The following GALNT11 variants were observed in gnomAD, a reference collection of about 807,000 sequenced individuals.
GALNT11 encodes polypeptide N-acetylgalactosaminyltransferase 11.
A neutral mutation model predicts 72.7 loss-of-function variants in GALNT11; 47 were observed. The observed-to-expected ratio is 0.65, with a 90% CI of 0.51 to 0.82. The LOEUF (loss-of-function observed/expected upper bound fraction) is 0.82. Among genes scored for constraint, GALNT11 ranks in the 40% least tolerant of loss-of-function variants. The pLI is 0.00. For synonymous variants in GALNT11, 270 were observed against 286.6 expected, an observed-to-expected ratio of 0.94 and a Z score of 0.58; for missense variants, 677 against 778.4, an observed-to-expected ratio of 0.87 and a Z score of 1.55.
chr7:152,090,701 A>G (rs2129033960), intron 1 of GALNT11, among the ~76,000 whole-genome samples: 1 of 129,692 alleles, frequency 7.7e-6, no homozygotes, highest in Middle Eastern at 6.0e-3. Context: ...TGCAGTACTC[A>G]CTATTCAGTT....
rs2086343457 is a variant in GALNT11 at position 152,095,958 on chromosome 7, G to T, written c.295+1436G>T. ...CTAGATCAACAGGCAAAAACCAGTT[G>T]CATTTTTATACTGTAGCAACAAGTG... On this transcript the variant is annotated intron_variant, in intron 2 of 11. Transcript: ENST00000430044. Among the ~76,000 whole-genome samples the T allele has an allele frequency of 1.3e-5, 2 of 152,096 alleles. 1 individual carries two copies. The highest frequency in any genetic ancestry group is 4.1e-4 in the South Asian group (2 of 4,836).
intron 1 of GALNT11, among the ~76,000 whole-genome samples, chr7:152,035,011 A>G (rs888829176): frequency 6.6e-6 from 1 of 152,214 alleles, no homozygotes; most frequent in African/African-American, 2.4e-5. Flanking sequence ...TGCCCCAAAA[A>G]TGAAGTGGAG....
intron 8 of GALNT11, among the ~76,000 whole-genome samples, chr7:152,114,264 T>C (rs1316327023): frequency 6.6e-6 from 1 of 152,230 alleles, no homozygotes; most frequent in Non-Finnish European, 1.5e-5. Context: ...TCCATAGCCT[T>C]CGATCATCTC....
At chr7:152,038,741 A>G (rs183789466) in intron 1 of GALNT11, among the ~76,000 whole-genome samples, 7 of 152,364 alleles carry the variant, frequency 4.6e-5, no homozygotes, top group Admixed American at 1.3e-4. Flanking sequence ...AAGGACGATC[A>G]TTGTTGAAAT....
chr7:152,065,685 T>C (rs1021119808), intron 1 of GALNT11, among the ~76,000 whole-genome samples: 2 of 152,220 alleles, frequency 1.3e-5, no homozygotes, highest in African/African-American at 4.8e-5. Flanking sequence ...TGCAGGTCTG[T>C]TGGAGTTTGC....
rs114698173 is a variant in GALNT11, at chr7:152,049,914, G to C, written c.-39+24030G>C. On this transcript the variant is annotated intron_variant, in intron 1 of 11. Transcript: ENST00000430044. ...CTGTCCTAGGTTCATGGCAAGTACT[G>C]CCTGGCTACTGCCAGTGTTCATTCA... Among the ~76,000 whole-genome samples the C allele has an allele frequency of 7.0e-3, 1,058 of 152,162 alleles. 9 individuals carry two copies. The highest frequency in any genetic ancestry group is 0.024 in the African/African-American group (1,009 of 41,522).
chr7:152,049,471 C>T (rs1233234700), intron 1 of GALNT11, among the ~76,000 whole-genome samples: 6 of 152,158 alleles, frequency 3.9e-5, no homozygotes, highest in Non-Finnish European at 7.3e-5. Flanking sequence ...TCTTTCCTTA[C>T]TCTCTCCTAA....
chr7:152,053,707 T>C (rs780326162), intron 1 of GALNT11, among the ~76,000 whole-genome samples: 6 of 152,210 alleles, frequency 3.9e-5, no homozygotes, highest in Non-Finnish European at 7.3e-5. Flanking sequence ...TAAAAAGCTG[T>C]CTGCACTTTG....
chr7:152,066,375 C>T (rs1433746128), intron 1 of GALNT11, among the ~76,000 whole-genome samples: 1 of 152,242 alleles, frequency 6.6e-6, no homozygotes, highest in Non-Finnish European at 1.5e-5. Context: ...TCCCTGACCC[C>T]TTGCAGTTCC....
chr7:152,102,945 C>G (rs2087102645), intron 3 of GALNT11, among the ~76,000 whole-genome samples, 167 bp from the exon 4 acceptor site: 1 of 148,336 alleles, frequency 6.7e-6, no homozygotes, highest in Non-Finnish European at 1.5e-5. Context: ...AGCGCCACTG[C>G]ACTCCAGCCT....
chr7:152,103,180 C>G lies in GALNT11; in HGVS notation c.488C>G (p.Ala163Gly), dbSNP rs753695595. The G allele has an allele frequency of 6.2e-7, 1 of 1,613,056 alleles. No homozygotes were observed. Among genetic ancestry groups the G allele is most frequent in the Admixed American group, 1.7e-5 (1 of 60,010 alleles). ...ASVVICFYNEAFSALLRTVHS... is the reference protein window; with the variant it reads ...ASVVICFYNEGFSALLRTVHS... ...GTTGTTATCTGTTTCTATAATGAAG[C>G]GTTTTCTGCCTTGCTTCGGACAGTG... The change falls in exon 4 of 12, where the codon GCG becomes GGG. Residue 163 changes from alanine to glycine, a missense_variant. Coordinates refer to ENST00000430044, the MANE Select transcript of GALNT11 (RefSeq NM_022087.4).
chr7:152,099,530 GTTTTT>G (rs1009548038), intron 2 of GALNT11, among the ~76,000 whole-genome samples: 4 of 57,790 alleles, frequency 6.9e-5, no homozygotes, highest in Non-Finnish European at 1.3e-4. Flanking sequence ...CTCCCGCCTA[GTTTTT>G]TTTTTTTTTT....
At chr7:152,097,676 G>T (rs974843175) in intron 2 of GALNT11, among the ~76,000 whole-genome samples, 1 of 152,184 alleles carries the variant, frequency 6.6e-6, no homozygotes, top group African/African-American at 2.4e-5. Flanking sequence ...GACAGAGAAG[G>T]GAATGACGTT....
intron 1 of GALNT11, among the ~76,000 whole-genome samples, chr7:152,034,954 C>T (rs777517566): frequency 3.9e-5 from 6 of 152,150 alleles, no homozygotes; most frequent in Non-Finnish European, 2.9e-5. Flanking sequence ...GGGTCCTAAG[C>T]ATTCTCCAGT....
chr7:152,121,894 C>T lies in GALNT11; in HGVS notation c.*217C>T, dbSNP rs898869174. On this transcript the variant is annotated 3_prime_UTR_variant, in exon 12 of 12. Coordinates refer to ENST00000430044, the MANE Select transcript of GALNT11 (RefSeq NM_022087.4). ...CCACGGGTGAAGAAGTGAGTGTCCA[C>T]GGGTGAAGAAGTGAGTATGTTTCAC... The T allele has an allele frequency of 1.5e-4, 73 of 494,402 alleles. 1 individual carries two copies. The highest frequency in any genetic ancestry group is 2.3e-4 in the Non-Finnish European group (66 of 283,346). 30.6% of individuals were successfully genotyped at this position (494,402 alleles called of 1,614,324 possible).
intron 1 of GALNT11, among the ~76,000 whole-genome samples, chr7:152,091,403 G>A (rs895650879): frequency 7.2e-5 from 11 of 151,842 alleles, no homozygotes; most frequent in African/African-American, 9.7e-5. Context: ...GCCACGTCCC[G>A]CTAATTTTTT....
chr7:152,073,570 T>C (rs931832184), intron 1 of GALNT11, among the ~76,000 whole-genome samples: 1 of 152,234 alleles, frequency 6.6e-6, no homozygotes, highest in Non-Finnish European at 1.5e-5. Context: ...TCATTCCGTA[T>C]CTTGGCTATT....
At chr7:152,073,253 C>T (rs946097829) in intron 1 of GALNT11, among the ~76,000 whole-genome samples, 7 of 152,186 alleles carry the variant, frequency 4.6e-5, no homozygotes, top group African/African-American at 1.7e-4. Context: ...ACTTATTCCT[C>T]CTATCTAGCT....
chr7:152,078,620 A>G (rs891050744), intron 1 of GALNT11, among the ~76,000 whole-genome samples: 1 of 152,250 alleles, frequency 6.6e-6, no homozygotes, highest in Admixed American at 6.5e-5. Context: ...TTCCACTTCT[A>G]AGTAATATGC....
Sources: gnomAD v4.1 joint callset for allele counts (sites outside exome capture counted in the v4.1 genomes callset) on GRCh38, gnomAD v4.1.1 for gene constraint, MANE v1.5 for transcripts, NCBI Gene and HGNC (gene_info 2026-07-23, HGNC 2026-07-21) for gene names.